Variants in HR observed in about 807,000 individuals in gnomAD.
HR encodes lysine-specific demethylase hairless.
Under a neutral mutation model 128.6 loss-of-function variants are expected in HR, and 83 were observed. That is an observed-to-expected ratio of 0.65 (90% CI 0.54 to 0.77). The LOEUF (loss-of-function observed/expected upper bound fraction) is 0.77, where lower values mean the gene tolerates loss of function less well. Among genes scored for constraint, HR ranks in the 30% least tolerant of loss-of-function variants. The pLI is 0.00. For synonymous variants in HR, 681 were observed against 658.2 expected (o/e 1.03, Z -0.53); for missense variants, 1,490 against 1,574.6 (o/e 0.95, Z 0.91).
chr8:22,116,413 T>G lies in HR; in HGVS notation c.3394A>C (p.Ser1132Arg). ...AAGTGCTGAGTGACGCTGACTGTGC[T>G]CACCAGGCCCTGCACCTGTGTCGGG... ...GAPHQVQGLV[S>R]TVSVTQHFLS... is the part of the protein sequence containing the mutation. The change falls in exon 18 of 19, where the codon AGC (serine) becomes CGC (arginine). Residue 1132 changes from serine (S) to arginine (R), a missense_variant. By Grantham distance (110) the Ser-to-Arg change is moderately radical (BLOSUM62 -1). Coordinates refer to ENST00000381418, the MANE Select transcript of HR (RefSeq NM_005144.5). The surrounding 1 kb of genome is among the most constrained non-coding windows in gnomAD (Gnocchi z 4.2). The G allele has an allele frequency of 6.2e-7, 1 of 1,613,700 alleles. No individual in the cohort carries two copies. The highest frequency in any genetic ancestry group is 8.5e-7 in the Non-Finnish European group (1 of 1,179,892).
chr8:22,118,846 C>T (rs931677480), intron 16 of HR, 104 bp downstream of exon 16: 15 of 938,416 alleles, frequency 1.6e-5, no homozygotes, highest in South Asian at 7.3e-5. Flanking sequence ...CACCTGAGGG[C>T]GTGGGGCAGG....
intron 14 of HR, among the ~76,000 whole-genome samples, chr8:22,119,543 G>C (rs1364004786): frequency 6.6e-6 from 1 of 152,042 alleles, no homozygotes; most frequent in South Asian, 2.1e-4. Flanking sequence ...GGAGGCGGAG[G>C]TTGCGGTGAG....
At position 22,116,541 on chromosome 8, in the gene HR, CAGAG is replaced by C. The variant is rs1456426077; in HGVS notation, c.3379-117_3379-114del. Reference sequence around the variant, plus strand: ...ACAACCACCCCCGACCCCTGGCTCTCAGAGAGCAGATTCCTGGATGCACCACTGG... The same window carrying C: ...ACAACCACCCCCGACCCCTGGCTCTCAGCAGATTCCTGGATGCACCACTGG... On this transcript the variant is annotated intron_variant, in intron 17 of 18. Transcript: ENST00000381418. The surrounding 1 kb of genome is among the most constrained non-coding windows in gnomAD (Gnocchi z 4.2). 20 of 1,383,742 alleles carry C rather than the reference CAGAG, an allele frequency of 1.4e-5. No homozygotes were observed. In the Admixed American group the frequency reaches 1.8e-4, roughly 13 times the overall value. 85.7% of individuals were successfully genotyped at this position (1,383,742 alleles called of 1,614,324 possible).
intron 11 of HR, 90 bp from the exon 12 acceptor site, chr8:22,120,597 G>A: frequency 6.3e-7 from 1 of 1,591,752 alleles, no homozygotes; most frequent in Non-Finnish European, 8.5e-7. Flanking sequence ...CAGTAGAACA[G>A]CTCGGGGACA....
chr8:22,125,884 A>AC, intron 3 of HR, 152 bp from the exon 4 acceptor site: 1 of 900,850 alleles, frequency 1.1e-6, no homozygotes, highest in South Asian at 1.7e-5. Context: ...GCAAGAGTGG[A>AC]CCAGGCAGCT....
At chr8:22,125,758 A>T in intron 3 of HR, 26 bp from the exon 4 acceptor site, 1 of 1,612,590 alleles carries the variant, frequency 6.2e-7, no homozygotes, top group Non-Finnish European at 8.5e-7. Flanking sequence ...AGAGGTCAGG[A>T]ATCTGGGTTT....
rs1258665028 is a variant in HR at position 22,115,442 on chromosome 8, G to C, written c.*258C>G. ...GATTGGAGGAAGTCAATTGCCCCCA[G>C]TGCGGGCCTGGTACCATGAAAAGGG... On this transcript the variant is annotated 3_prime_UTR_variant, in exon 19 of 19. Coordinates refer to ENST00000381418, the MANE Select transcript of HR (RefSeq NM_005144.5). 1 of 585,304 alleles carries C rather than the reference G, an allele frequency of 1.7e-6. No individual in the cohort carries two copies. The highest frequency in any genetic ancestry group is 3.1e-6 in the Non-Finnish European group (1 of 325,496). The allele number at this position is 585,304 out of a possible 1,614,324, so 36.3% of individuals were successfully genotyped here.
rs1052994227 is a variant in HR, at chr8:22,116,686, C to G, written c.3378+189G>C. On this transcript the variant is annotated intron_variant, in intron 17 of 18. Coordinates refer to ENST00000381418, the MANE Select transcript of HR (RefSeq NM_005144.5). This position sits in a 1 kb window ranked among gnomAD's most constrained non-coding sequence, Gnocchi z 4.2. ...AGGAGACCAGGAGTGGACTCTGGCG[C>G]CAGTCCCAGTTGGGCTCAGTGACTT... 6.6e-6 allele frequency among the ~76,000 whole-genome samples: 1 copy of G among 152,230 alleles called. No homozygotes were observed. The highest frequency in any genetic ancestry group is 6.5e-5 in the Admixed American group (1 of 15,288).
In HR at chr8:22,121,137, G is replaced by T. The variant is rs574322741; in HGVS notation, c.2295C>A (p.Thr765=). The change falls in exon 10 of 19, where the codon ACC becomes ACA. Residue 765 remains threonine (T), a synonymous_variant. Transcript: ENST00000381418. ...CATGGCCCAAGCAGAGTTTGACCGC[G>T]GTAGAAGCCAGCAGTTCGCAGAGAG... is the stretch of plus-strand genomic sequence containing the variant. The part of the protein sequence containing the change: ...CPSLCELLAS[T]AVKLCLGHER... 3 of 1,613,928 alleles carry T rather than the reference G, an allele frequency of 1.9e-6. No individual in the cohort carries two copies. The highest frequency in any genetic ancestry group is 2.2e-5 in the East Asian group (1 of 44,882).
chr8:22,130,126 C>A (rs1827012318), intron 1 of HR, among the ~76,000 whole-genome samples: 1 of 152,236 alleles, frequency 6.6e-6, no homozygotes, highest in Non-Finnish European at 1.5e-5. Context: ...ATTGAACGTG[C>A]GTGCAAGGGA....
chr8:22,125,398 C>T lies in HR; in HGVS notation c.1663G>A (p.Ala555Thr), dbSNP rs1430626746. 2.7e-5 allele frequency: 44 copies of T among 1,611,222 alleles called. No individual in the cohort carries two copies. Among genetic ancestry groups the T allele is most frequent in the Non-Finnish European group, 3.6e-5 (43 of 1,179,320 alleles). ...GPDSRLSTGL[A>T]KHLLSGLGDR... ...CCCAAACCACTGAGCAGGTGCTTGG[C>T]GAGGCCTGTGCTGAGCCGGCTGTCA... Residue 555 changes from alanine (A) to threonine (T), a missense_variant, in exon 5 of 19, where the codon GCC (alanine) becomes ACC (threonine). Transcript: ENST00000381418.
At position 22,116,478 on chromosome 8, in the gene HR, C is replaced by T; in HGVS notation, c.3379-50G>A. ...GAGGCTCAAGATCACACATCCTCTC[C>T]CTGTCCCCCTGGTCCCTGAGGTTCG... On this transcript the variant is annotated intron_variant, in intron 17 of 18. Transcript: ENST00000381418. The surrounding 1 kb of genome is among the most constrained non-coding windows in gnomAD (Gnocchi z 4.2). 1.3e-6 allele frequency: 2 copies of T among 1,591,072 alleles called. No individual in the cohort carries two copies. Among genetic ancestry groups the T allele is most frequent in the African/African-American group, 1.3e-5 (1 of 74,468 alleles).
At position 22,120,878 on chromosome 8, in the gene HR, C is replaced by T. The variant is rs371480612; in HGVS notation, c.2448G>A (p.Pro816=). 24 of 1,553,352 alleles carry T rather than the reference C, an allele frequency of 1.5e-5. No homozygotes were observed. Among genetic ancestry groups the T allele is most frequent in the East Asian group, 7.3e-5 (3 of 41,200 alleles). Residue 816 remains proline, a synonymous_variant, in exon 11 of 19, where the codon CCG becomes CCA. Transcript: ENST00000381418. ...ERKIQEKALG[P]GLRAGPGLRK... ...GCAGACCCGGGCCAGCTCGAAGCCC[C>T]GGCCCCAGGGCTTTCTCCTGGATCT...
In HR at chr8:22,125,589, C is replaced by T; in HGVS notation, c.1549G>A (p.Val517Met). The change falls in exon 4 of 19, where the codon GTG (valine) becomes ATG (methionine). Residue 517 changes from valine (V) to methionine (M), a missense_variant. Physicochemically the swap from Val to Met is conservative, Grantham distance 21. Transcript: ENST00000381418. ...GGGHACHSQQ[V>M]RRSPLGGELQ... ...CCAGGGGCAATGGCTCACCTCCGCA[C>T]TTGCTGAGAGTGGCAGGCGTGCCCT... 1 of 1,613,054 alleles carries T rather than the reference C, an allele frequency of 6.2e-7. No individual in the cohort carries two copies. The highest frequency in any genetic ancestry group is 1.1e-5 in the South Asian group (1 of 90,782).
chr8:22,127,083 C>G lies in HR; in HGVS notation c.1359G>C (p.Ser453=), dbSNP rs78489044. ...CCGAGTCCACATCCTTGTTCCCTAT[C>G]GATGTGTCCCGCACCTCCTGCCAAC... is the stretch of plus-strand genomic sequence containing the variant. ...AGGWQEVRDT[S]IGNKDVDSGQ... Residue 453 remains serine (S), a synonymous_variant, in exon 3 of 19, where the codon TCG becomes TCC. Transcript: ENST00000381418. The G allele has an allele frequency of 6.2e-7, 1 of 1,611,788 alleles. No individual in the cohort carries two copies. The highest frequency in any genetic ancestry group is 1.7e-5 in the Admixed American group (1 of 59,958).
chr8:22,120,678 G>T, intron 11 of HR, 38 bp downstream of exon 11: 1 of 1,515,256 alleles, frequency 6.6e-7, no homozygotes, highest in Non-Finnish European at 8.8e-7. Context: ...GGCAGGTGGG[G>T]TGGCCAGGGC....
chr8:22,119,610 C>G lies in HR; in HGVS notation c.2977+150G>C, dbSNP rs957179979. On this transcript the variant is annotated intron_variant, in intron 14 of 18. Transcript: ENST00000381418. ...CAACAAGAGCAAAACTCCGTCTCAA[C>G]AACAACAAAAAAAAAAAAAAAGAAA... 9.1e-5 allele frequency: 93 copies of G among 1,026,722 alleles called. No homozygotes were observed. The African/African-American group carries it at 1.6e-3, about 18-fold the overall frequency. The allele number at this position is 1,026,722 out of a possible 1,614,324, so 63.6% of individuals were successfully genotyped here. A position where few individuals can be genotyped will look rare whatever the true frequency, so the allele number is the denominator to read the frequency against.
chr8:22,123,563 G>A (rs926464233), intron 6 of HR, 86 bp downstream of exon 6: 25 of 1,354,522 alleles, frequency 1.8e-5, no homozygotes, highest in Non-Finnish European at 2.3e-5. Flanking sequence ...GCTTTTTGGG[G>A]AGAGGCAGCC....
rs1381962965 is a variant in HR, at chr8:22,116,862, C to T, written c.3378+13G>A. On this transcript the variant is annotated intron_variant, in intron 17 of 18. Coordinates refer to ENST00000381418, the MANE Select transcript of HR (RefSeq NM_005144.5). The surrounding 1 kb of genome is among the most constrained non-coding windows in gnomAD (Gnocchi z 4.2). ...CTGATCTCCCCGCAGAGCCCCTGCC[C>T]GCTGGGAAGCACCTGGTGGGGAGCC... is the stretch of plus-strand genomic sequence containing the variant. 5.1e-6 allele frequency: 8 copies of T among 1,566,238 alleles called. No homozygotes were observed. The highest frequency in any genetic ancestry group is 1.2e-5 in the South Asian group (1 of 85,696).
Sources: gnomAD v4.1 joint callset for allele counts (sites outside exome capture counted in the v4.1 genomes callset) on GRCh38, gnomAD v4.1.1 for gene constraint, Gnocchi (gnomAD v3.1) non-coding constraint, MANE v1.5 for transcripts, NCBI Gene and HGNC (gene_info 2026-07-23, HGNC 2026-07-21) for gene names.